The following GRIA1 variants were observed in gnomAD, a reference collection of about 807,000 sequenced individuals.
The protein encoded by GRIA1 is glutamate receptor 1.
A neutral mutation model predicts 99.2 loss-of-function variants in GRIA1; 31 were observed. The ratio of observed to expected loss-of-function variants is 0.31; its 90% CI spans 0.23 to 0.42. The LOEUF is 0.42. Among genes scored for constraint, GRIA1 ranks in the 10% least tolerant of loss-of-function variants. The pLI, the probability that GRIA1 is intolerant of heterozygous loss-of-function variation, is 1.00. For missense variants in GRIA1, 782 were observed against 1,157.5 expected (o/e 0.68, Z 4.71); for synonymous variants, 438 against 432.4 (o/e 1.01, Z -0.16).
intron 7 of GRIA1, among the ~76,000 whole-genome samples, chr5:153,682,369 G>C (rs914506664): frequency 6.6e-6 from 1 of 152,166 alleles, no homozygotes; most frequent in Non-Finnish European, 1.5e-5. Flanking sequence ...AGTCACTGTT[G>C]ACACCTGACA....
intron 11 of GRIA1, among the ~76,000 whole-genome samples, chr5:153,743,034 C>T (rs1761918140): frequency 6.6e-6 from 1 of 152,128 alleles, no homozygotes; most frequent in African/African-American, 2.4e-5. Context: ...GTAACTTGTC[C>T]AAGGACACCA....
chr5:153,699,482 A>G (rs1758357386), intron 10 of GRIA1, among the ~76,000 whole-genome samples: 1 of 152,176 alleles, frequency 6.6e-6, no homozygotes. Flanking sequence ...ATGCTCTCTC[A>G]TGAAATTTCC....
intron 2 of GRIA1, among the ~76,000 whole-genome samples, chr5:153,627,806 G>T (rs541608440): frequency 2.6e-5 from 4 of 152,190 alleles, no homozygotes; most frequent in African/African-American, 9.7e-5. Flanking sequence ...GAAAAAGTAC[G>T]CCAGAAAAGT....
intron 2 of GRIA1, among the ~76,000 whole-genome samples, chr5:153,510,926 G>C (rs1210140903): frequency 6.6e-6 from 1 of 152,092 alleles, no homozygotes; most frequent in African/African-American, 2.4e-5. Context: ...GGTTATTTGG[G>C]GAGCATTGGG....
chr5:153,516,531 TA>T (rs1756645879), intron 2 of GRIA1, among the ~76,000 whole-genome samples: 2 of 152,050 alleles, frequency 1.3e-5, no homozygotes, highest in Admixed American at 1.3e-4. Context: ...GTTGTAAAAA[TA>T]CCTGGATTTG....
intron 15 of GRIA1, among the ~76,000 whole-genome samples, chr5:153,802,896 G>C (rs1766149606): frequency 6.6e-6 from 1 of 152,092 alleles, no homozygotes; most frequent in South Asian, 2.1e-4. Flanking sequence ...TGTCATACCT[G>C]GTGAATTGGG....
chr5:153,698,047 G>C lies in GRIA1; in HGVS notation c.1138G>C (p.Gly380Arg). The change falls in exon 9 of 16, where the codon GGT becomes CGT. Residue 380 changes from glycine (G) to arginine (R), a missense_variant. By Grantham distance (125) the Gly-to-Arg change is moderately radical. Around this residue, in one of 5 missense-constraint regions of GRIA1, gnomAD observed 461 missense variants for 521.7 expected, o/e 0.88. Transcript: ENST00000285900. ...TCCACTCTCTTCTCATTAACAGATT[G>C]GTTACTGGAATGAAGATGATAAGTT... ...EMKHDGIRKI[G>R]YWNEDDKFVP... is the part of the protein sequence containing the mutation. 6.3e-7 allele frequency: 1 copy of C among 1,575,340 alleles called. No homozygotes were observed. The highest frequency in any genetic ancestry group is 8.7e-7 in the Non-Finnish European group (1 of 1,144,886).
chr5:153,688,050 A>G (rs944015498), intron 8 of GRIA1, among the ~76,000 whole-genome samples: 6 of 152,188 alleles, frequency 3.9e-5, no homozygotes, highest in African/African-American at 9.7e-5. Context: ...CTTGGCTCCC[A>G]TGTTACCAAG....
At chr5:153,667,286 G>A (rs1428070222) in intron 5 of GRIA1, among the ~76,000 whole-genome samples, 1 of 152,178 alleles carries the variant, frequency 6.6e-6, no homozygotes, top group Admixed American at 6.5e-5. Context: ...TCTTCCTTCT[G>A]ACTGGTGTGG....
chr5:153,497,002 T>C (rs1430288625), intron 2 of GRIA1, among the ~76,000 whole-genome samples: 1 of 152,142 alleles, frequency 6.6e-6, no homozygotes, highest in Non-Finnish European at 1.5e-5. Context: ...GACCTGTTCA[T>C]GCTAGACATG....
At chr5:153,655,149 G>C (rs906230352) in intron 4 of GRIA1, among the ~76,000 whole-genome samples, 1 of 152,136 alleles carries the variant, frequency 6.6e-6, no homozygotes, top group Admixed American at 6.6e-5. Context: ...TGTGGGTCTT[G>C]ACTTCCTATC....
At chr5:153,759,704 G>T (rs1009907579) in intron 11 of GRIA1, among the ~76,000 whole-genome samples, 5 of 151,882 alleles carry the variant, frequency 3.3e-5, no homozygotes, top group African/African-American at 1.2e-4. Context: ...CTCATTCTTT[G>T]AAGCCAGAAT....
intron 2 of GRIA1, among the ~76,000 whole-genome samples, chr5:153,638,537 G>A (rs553031548): frequency 2.0e-4 from 31 of 152,272 alleles, no homozygotes; most frequent in Admixed American, 1.6e-3. Context: ...ACCCAGGGGC[G>A]GCCCATGCCC....
chr5:153,709,419 C>T (rs1358043144), intron 11 of GRIA1, among the ~76,000 whole-genome samples: 1 of 152,172 alleles, frequency 6.6e-6, no homozygotes, highest in Admixed American at 6.5e-5. Context: ...TTAACTCTTT[C>T]TAATCTCTTC....
chr5:153,664,941 G>A (rs1755637141), intron 5 of GRIA1, among the ~76,000 whole-genome samples: 1 of 152,174 alleles, frequency 6.6e-6, no homozygotes, highest in Admixed American at 6.5e-5. Flanking sequence ...TAGATAGGAA[G>A]GTTTTGATCA....
At chr5:153,583,894 A>G (rs1561663185) in intron 2 of GRIA1, among the ~76,000 whole-genome samples, 1 of 152,168 alleles carries the variant, frequency 6.6e-6, no homozygotes, top group Non-Finnish European at 1.5e-5. Context: ...AAGTATCATG[A>G]TTCCCCCAAC....
At chr5:153,531,047 G>A (rs1404974491) in intron 2 of GRIA1, among the ~76,000 whole-genome samples, 1 of 152,194 alleles carries the variant, frequency 6.6e-6, no homozygotes, top group African/African-American at 2.4e-5. Flanking sequence ...GTCTGGACAG[G>A]GACAGAGAGG....
At chr5:153,676,304 C>A (rs945690414) in intron 6 of GRIA1, among the ~76,000 whole-genome samples, 1 of 152,070 alleles carries the variant, frequency 6.6e-6, no homozygotes, top group African/African-American at 2.4e-5. Context: ...GTGAAGAAAA[C>A]AGACATAGGT....
intron 13 of GRIA1, among the ~76,000 whole-genome samples, chr5:153,792,711 G>C (rs905183811): frequency 6.6e-6 from 1 of 152,036 alleles, no homozygotes; most frequent in African/African-American, 2.4e-5. Context: ...CTTTCTTTCT[G>C]TCTGTCTTTC....
Sources: allele counts gnomAD v4.1 joint callset (sites outside exome capture counted in the v4.1 genomes callset), GRCh38; gene constraint gnomAD v4.1.1; regional missense constraint gnomAD v4.1.1; transcripts MANE v1.5; gene names NCBI Gene and HGNC (gene_info 2026-07-23, HGNC 2026-07-21).